PAK3: variants seen among roughly 807,000 people sequenced by gnomAD.
The protein encoded by PAK3 is p21 (RAC1) activated kinase 3.
Under a neutral mutation model 41.0 loss-of-function variants are expected in PAK3, and 4 were observed. The observed-to-expected ratio is 0.10, with a 90% CI of 0.05 to 0.22. The LOEUF (loss-of-function observed/expected upper bound fraction) is 0.22. Ranked by LOEUF, PAK3 falls within the 10% of genes least tolerant of loss-of-function variation. The pLI, the probability that PAK3 is intolerant of heterozygous loss-of-function variation, is 1.00. For synonymous variants in PAK3, 146 were observed against 139.6 expected, an observed-to-expected ratio of 1.05 and a Z score of -0.32; for missense variants, 205 against 409.9, an observed-to-expected ratio of 0.50 and a Z score of 4.32.
intron 14 of PAK3, among the ~76,000 whole-genome samples, chrX:111,194,961 G>T (rs756361768): frequency 8.9e-6 from 1 of 112,082 alleles, no homozygotes; most frequent in South Asian, 3.8e-4. Context: ...CCCCTAAGGG[G>T]TTTCAAACTA....
chrX:111,025,791 T>G (rs1204419698), intron 1 of PAK3, among the ~76,000 whole-genome samples: 2 of 107,629 alleles, frequency 1.9e-5, no homozygotes, highest in Admixed American at 9.9e-5. Flanking sequence ...TAAATCATTT[T>G]ATAAAGCCAG....
chrX:111,212,387 G>A (rs1462582098), intron 16 of PAK3, among the ~76,000 whole-genome samples: 1 of 111,523 alleles, frequency 9.0e-6, no homozygotes, highest in African/African-American at 3.3e-5. Context: ...GTAGTGGGTA[G>A]CAATTTTCTT....
intron 8 of PAK3, among the ~76,000 whole-genome samples, chrX:111,161,800 G>C (rs1366999565): frequency 5.4e-5 from 6 of 110,786 alleles, no homozygotes; most frequent in Non-Finnish European, 1.1e-4. Flanking sequence ...ATTTCTGAGG[G>C]CTCTGTTCTG....
chrX:110,954,099 C>T (rs1407261725), intron 1 of PAK3, among the ~76,000 whole-genome samples: 2 of 111,561 alleles, frequency 1.8e-5, no homozygotes, highest in African/African-American at 6.5e-5. Context: ...TAGGCACTCT[C>T]TCAATACCAT....
chrX:110,977,541 G>A (rs755236023), intron 1 of PAK3, among the ~76,000 whole-genome samples: 1 of 111,335 alleles, frequency 9.0e-6, no homozygotes, highest in South Asian at 3.8e-4. Flanking sequence ...GACATGGAAT[G>A]TCTTTCCATT....
chrX:111,048,900 A>T (rs1001928430), intron 1 of PAK3, among the ~76,000 whole-genome samples: 1 of 111,929 alleles, frequency 8.9e-6, no homozygotes, highest in Non-Finnish European at 1.9e-5. Context: ...CATAAATCAG[A>T]TCATGTCACT....
At chrX:110,975,112 A>G (rs1274176654) in intron 1 of PAK3, among the ~76,000 whole-genome samples, 1 of 112,168 alleles carries the variant, frequency 8.9e-6, no homozygotes, top group Non-Finnish European at 1.9e-5. Context: ...TGGCCAGGCC[A>G]ATCAGGCAGG....
chrX:110,951,602 C>T (rs2090747088), intron 1 of PAK3, among the ~76,000 whole-genome samples: 1 of 112,207 alleles, frequency 8.9e-6, no homozygotes, highest in Non-Finnish European at 1.9e-5. Flanking sequence ...AAATCAAATG[C>T]TAGGCTGAAA....
chrX:111,104,941 C>A (rs1481603394), intron 4 of PAK3, among the ~76,000 whole-genome samples: 1 of 111,251 alleles, frequency 9.0e-6, no homozygotes, highest in Non-Finnish European at 1.9e-5. Context: ...AGTTTCCCAG[C>A]ATCCAAAGTT....
chrX:110,977,965 C>G (rs1185920240), intron 1 of PAK3, among the ~76,000 whole-genome samples: 1 of 112,070 alleles, frequency 8.9e-6, no homozygotes, highest in African/African-American at 3.2e-5. Context: ...TGTTCCTAAT[C>G]TTAGGGGGAA....
chrX:111,137,113 C>T (rs1183084266), intron 5 of PAK3, among the ~76,000 whole-genome samples: 2 of 112,091 alleles, frequency 1.8e-5, no homozygotes, highest in Non-Finnish European at 3.8e-5. Flanking sequence ...AGCCAAAGTA[C>T]TCAATGGAGA....
chrX:111,183,473 C>A (rs1240258554), intron 11 of PAK3, among the ~76,000 whole-genome samples: 1 of 111,590 alleles, frequency 9.0e-6, no homozygotes, highest in Non-Finnish European at 1.9e-5. Flanking sequence ...CTTATTCCTA[C>A]CAGATTCTTC....
At chrX:110,987,862 C>G (rs1293728969) in intron 1 of PAK3, among the ~76,000 whole-genome samples, 1 of 111,017 alleles carries the variant, frequency 9.0e-6, no homozygotes, top group Non-Finnish European at 1.9e-5. Flanking sequence ...TGGGCTCAAA[C>G]AGACCCCTCA....
chrX:110,992,561 T>G (rs776635474), intron 1 of PAK3, among the ~76,000 whole-genome samples: 7 of 108,248 alleles, frequency 6.5e-5, no homozygotes, highest in Non-Finnish European at 1.3e-4. Context: ...CTGCAGAGAG[T>G]GGACTTATTG....
chrX:111,014,491 C>T (rs2092059458), intron 1 of PAK3, among the ~76,000 whole-genome samples: 1 of 111,680 alleles, frequency 9.0e-6, no homozygotes, highest in Admixed American at 9.5e-5. Flanking sequence ...AACCCTTGGT[C>T]CTCAGGGAAC....
At chrX:111,108,544 G>T (rs906348698) in intron 4 of PAK3, among the ~76,000 whole-genome samples, 1 of 112,328 alleles carries the variant, frequency 8.9e-6, no homozygotes, top group African/African-American at 3.2e-5. Flanking sequence ...TTATGGGAGC[G>T]TGAGCCCTAT....
intron 1 of PAK3, among the ~76,000 whole-genome samples, chrX:110,967,715 C>A (rs1419495499): frequency 3.6e-5 from 4 of 112,281 alleles, no homozygotes; most frequent in African/African-American, 1.3e-4. Flanking sequence ...AAACATTTCA[C>A]TTTTAAATAA....
intron 5 of PAK3, among the ~76,000 whole-genome samples, chrX:111,134,094 G>A (rs2093755025): frequency 8.9e-6 from 1 of 112,181 alleles, no homozygotes; most frequent in Non-Finnish European, 1.9e-5. Flanking sequence ...AGACTCAGGT[G>A]AGAGCTTTCT....
At chrX:111,163,113 A>ATTCT in intron 9 of PAK3, 67 bp downstream of exon 9, 1 of 1,032,311 alleles carries the variant, frequency 9.7e-7, no homozygotes, top group South Asian at 1.9e-5. Context: ...TAGAGTTAGA[A>ATTCT]TATAGTTAAT....
Sources: gnomAD v4.1 joint callset for allele counts (sites outside exome capture counted in the v4.1 genomes callset) on GRCh38, gnomAD v4.1.1 for gene constraint, MANE v1.5 for transcripts, NCBI Gene and HGNC (gene_info 2026-07-23, HGNC 2026-07-21) for gene names.